SGIP1: variants seen among roughly 807,000 people sequenced by gnomAD.
SGIP1 encodes SH3GL interacting endocytic adaptor 1, also known as SH3-containing GRB2-like protein 3-interacting protein 1.
Under a neutral mutation model 107.5 loss-of-function variants are expected in SGIP1, and 38 were observed. That is an observed-to-expected ratio of 0.35 (90% CI 0.27 to 0.46). The LOEUF is 0.46. Ranked by LOEUF, SGIP1 falls within the 20% of genes least tolerant of loss-of-function variation. The pLI is 1.00. For synonymous variants in SGIP1, 365 were observed against 366.1 expected, an observed-to-expected ratio of 1.00 and a Z score of 0.03; for missense variants, 929 against 1,019.5, an observed-to-expected ratio of 0.91 and a Z score of 1.21.
chr1:66,734,935 C>T (rs1210013201), intron 21 of SGIP1, among the ~76,000 whole-genome samples: 2 of 152,044 alleles, frequency 1.3e-5, no homozygotes, highest in Admixed American at 1.3e-4. Context: ...TACGTATTAC[C>T]TCACATAGTT....
Position 66,749,858 on chromosome 1 carries a change from CA to C in SGIP1, c.*6766del, listed in dbSNP as rs1404487102. ...TCACAAGAACCACTGTCCCAAGATC[CA>C]AAGTCAGATTTTTTTCCCTTTTCAA... On this transcript the variant is annotated 3_prime_UTR_variant, in exon 25 of 25. Transcript: ENST00000371037. Among the ~76,000 whole-genome samples the C allele has an allele frequency of 6.6e-6, 1 of 152,060 alleles. No homozygotes were observed. The highest frequency in any genetic ancestry group is 1.5e-5 in the Non-Finnish European group (1 of 67,974).
chr1:66,538,610 A>G lies in SGIP1; in HGVS notation c.10+4242A>G, dbSNP rs776170116. 5.3e-5 allele frequency among the ~76,000 whole-genome samples: 8 copies of G among 152,174 alleles called. No individual in the cohort carries two copies. The East Asian group carries it at 7.7e-4, about 15-fold the overall frequency. On this transcript the variant is annotated intron_variant, in intron 1 of 24. Transcript: ENST00000371037. ...ATAAACAAGGTACAGGAAGTTACCA[A>G]CTCACAATTTTTATGTTCCTGAAAG...
Position 66,682,080 on chromosome 1 carries a change from C to A in SGIP1, c.1026C>A (p.Asn342Lys), listed in dbSNP as rs755722876. The change falls in exon 15 of 25, where the codon AAC becomes AAA. Residue 342 changes from asparagine to lysine, a missense_variant. This residue lies in a region of SGIP1 where 588 missense variants were observed against 588.6 expected (regional missense o/e 1.00). Transcript: ENST00000371037. Reference protein sequence around the residue: ...KVVSPPATPDNPADSPAPGPL... With the variant: ...KVVSPPATPDKPADSPAPGPL... ...TGTCCCCACCAGCTACACCAGACAA[C>A]CCAGCTGACTCCCCAGCTCCAGGCC... 42 of 1,614,114 alleles carry A rather than the reference C, an allele frequency of 2.6e-5. No homozygotes were observed. The highest frequency in any genetic ancestry group is 3.6e-5 in the Non-Finnish European group (42 of 1,180,036).
chr1:66,730,148 T>C (rs1371403475), intron 20 of SGIP1, among the ~76,000 whole-genome samples: 2 of 152,170 alleles, frequency 1.3e-5, no homozygotes, highest in African/African-American at 2.4e-5. Flanking sequence ...TGCATGTGCA[T>C]ATGCATAATA....
chr1:66,657,451 G>T (rs992879002), intron 7 of SGIP1, among the ~76,000 whole-genome samples: 3 of 152,144 alleles, frequency 2.0e-5, no homozygotes, highest in Non-Finnish European at 2.9e-5. Context: ...ACCTCTATTA[G>T]CTTTGATTCT....
chr1:66,673,172 C>A, intron 11 of SGIP1, 109 bp from the exon 12 acceptor site: 2 of 1,062,322 alleles, frequency 1.9e-6, no homozygotes, highest in South Asian at 1.3e-5. Context: ...TGCACTGGTG[C>A]ACACACACAC....
At chr1:66,545,346 T>C (rs780140768) in intron 1 of SGIP1, among the ~76,000 whole-genome samples, 1 of 152,230 alleles carries the variant, frequency 6.6e-6, no homozygotes, top group Non-Finnish European at 1.5e-5. Flanking sequence ...CAGTCTGTTC[T>C]GACTTTTCAA....
At chr1:66,675,788 C>T (rs2149903210) in intron 12 of SGIP1, among the ~76,000 whole-genome samples, 1 of 152,138 alleles carries the variant, frequency 6.6e-6, no homozygotes, top group South Asian at 2.1e-4. Flanking sequence ...CCCACCTCAG[C>T]CTCCCAAAGT....
chr1:66,647,903 T>G (rs1205459040), intron 7 of SGIP1, among the ~76,000 whole-genome samples: 1 of 152,196 alleles, frequency 6.6e-6, no homozygotes, highest in Non-Finnish European at 1.5e-5. Context: ...TAAAGCCCCT[T>G]CTTTTACCAG....
intron 3 of SGIP1, chr1:66,634,290 G>A (rs1316221856): frequency 1.4e-6 from 1 of 707,128 alleles, no homozygotes; most frequent in Non-Finnish European, 2.4e-6. Context: ...CTCCCAGACT[G>A]GATTGCTATT....
At chr1:66,614,583 C>A (rs1017718576) in intron 1 of SGIP1, among the ~76,000 whole-genome samples, 46 of 152,092 alleles carry the variant, frequency 3.0e-4, no homozygotes, top group African/African-American at 1.1e-3. Flanking sequence ...CTGATTTTTT[C>A]AAAAATAATT....
chr1:66,653,868 G>A (rs543070083), intron 7 of SGIP1, among the ~76,000 whole-genome samples: 1 of 152,292 alleles, frequency 6.6e-6, no homozygotes, highest in East Asian at 1.9e-4. Flanking sequence ...TTAGCTAAGG[G>A]CCATAGTCAG....
intron 1 of SGIP1, among the ~76,000 whole-genome samples, chr1:66,621,283 G>A (rs1194770968): frequency 6.6e-6 from 1 of 152,076 alleles, no homozygotes; most frequent in East Asian, 1.9e-4. Context: ...GACAACTTTG[G>A]CAAAACAAGA....
intron 5 of SGIP1, among the ~76,000 whole-genome samples, chr1:66,640,552 T>G (rs2076587072): frequency 6.6e-6 from 1 of 151,862 alleles, no homozygotes. Context: ...GTCCCTGAAA[T>G]GAGACAGTGC....
chr1:66,690,389 A>G, intron 17 of SGIP1, 73 bp downstream of exon 17: 2 of 1,579,816 alleles, frequency 1.3e-6, no homozygotes, highest in Non-Finnish European at 8.6e-7. Context: ...GAAATCCCCA[A>G]GGCCCTGTGT....
At chr1:66,652,448 AAAGT>A (rs535909271) in intron 7 of SGIP1, among the ~76,000 whole-genome samples, 102 of 152,280 alleles carry the variant, frequency 6.7e-4, no homozygotes, top group African/African-American at 2.4e-3. Flanking sequence ...CTTCCTCTGG[AAAGT>A]AAGTGGTACA....
At chr1:66,659,938 G>T (rs1190683553) in intron 7 of SGIP1, among the ~76,000 whole-genome samples, 1 of 41,340 alleles carries the variant, frequency 2.4e-5, no homozygotes, top group Non-Finnish European at 4.0e-5. Flanking sequence ...AAGAGAGAAA[G>T]AAAAAGAAAG....
At chr1:66,740,148 A>G (rs1290508037) in intron 22 of SGIP1, among the ~76,000 whole-genome samples, 2 of 152,232 alleles carry the variant, frequency 1.3e-5, no homozygotes, top group Non-Finnish European at 2.9e-5. Context: ...TTCATTTTGT[A>G]GCCTCTGAAC....
rs527698557 is a variant in SGIP1 at position 66,729,152 on chromosome 1, T to C, written c.1743-112T>C. 52 of 1,229,400 alleles carry C rather than the reference T, an allele frequency of 4.2e-5. No homozygotes were observed. The South Asian group carries it at 6.2e-4, about 15-fold the overall frequency. The allele number at this position is 1,229,400 out of a possible 1,614,324, so 76.2% of individuals were successfully genotyped here. ...AATGGAATTGTAAGAGCCTGCCTTTTATCTCTTCTGCTATTTAACATTGCC... is the reference window on the plus strand; with the variant it reads ...AATGGAATTGTAAGAGCCTGCCTTTCATCTCTTCTGCTATTTAACATTGCC... On this transcript the variant is annotated intron_variant, in intron 19 of 24. Transcript: ENST00000371037.
Sources: allele counts gnomAD v4.1 joint callset (sites outside exome capture counted in the v4.1 genomes callset), GRCh38; gene constraint gnomAD v4.1.1; regional missense constraint gnomAD v4.1.1; transcripts MANE v1.5; gene names NCBI Gene and HGNC (gene_info 2026-07-23, HGNC 2026-07-21).